Variants in ST3GAL5 observed in about 807,000 individuals in gnomAD.
The protein encoded by ST3GAL5 is ST3 beta-galactoside alpha-2,3-sialyltransferase 5.
ST3GAL5 carries 25 observed loss-of-function variants against 46.1 expected under a neutral mutation model. The ratio of observed to expected loss-of-function variants is 0.54; its 90% CI spans 0.40 to 0.76. The LOEUF is 0.76. Among genes scored for constraint, ST3GAL5 ranks in the 30% least tolerant of loss-of-function variants. The probability of loss-of-function intolerance (pLI) is 0.00; values close to 1 mark genes in which losing one functional copy is unlikely to be tolerated. For synonymous variants in ST3GAL5, 182 were observed against 192.7 expected, an observed-to-expected ratio of 0.94 and a Z score of 0.46; for missense variants, 431 against 521.2, an observed-to-expected ratio of 0.83 and a Z score of 1.69.
intron 1 of ST3GAL5, among the ~76,000 whole-genome samples, chr2:85,864,913 G>A (rs566555360): frequency 6.6e-6 from 1 of 152,308 alleles, no homozygotes; most frequent in South Asian, 2.1e-4. Context: ...CAATTCTCAA[G>A]GTGCTTCCCT....
rs577828669 is a variant in ST3GAL5, at chr2:85,863,386, C to G, written c.182G>C (p.Ser61Thr). ...TRAQSKMRRP[S>T]LLLKDILKCT... Reference sequence around the variant, plus strand: ...CTTGAGGATGTCTTTTAATAACAAGCTGGGCCTTCTCATCTTGCTTTGAGC... The same window carrying G: ...CTTGAGGATGTCTTTTAATAACAAGGTGGGCCTTCTCATCTTGCTTTGAGC... The change falls in exon 2 of 7, where the codon AGC (serine) becomes ACC (threonine). Residue 61 changes from serine (S) to threonine (T), a missense_variant. Physicochemically the swap from Ser to Thr is moderately conservative, Grantham distance 58. Coordinates refer to ENST00000638572, the MANE Select transcript of ST3GAL5 (RefSeq NM_003896.4). 2 of 1,614,206 alleles carry G rather than the reference C, an allele frequency of 1.2e-6. No homozygotes were observed. The highest frequency in any genetic ancestry group is 2.2e-5 in the South Asian group (2 of 91,086).
chr2:85,868,262 T>C (rs1473966651), intron 1 of ST3GAL5, among the ~76,000 whole-genome samples: 1 of 152,240 alleles, frequency 6.6e-6, no homozygotes, highest in Non-Finnish European at 1.5e-5. Flanking sequence ...GCTTTGTTAA[T>C]TGCTAGAATA....
intron 1 of ST3GAL5, chr2:85,869,970 T>G: frequency 2.9e-6 from 1 of 342,876 alleles, no homozygotes; most frequent in Admixed American, 3.7e-5. Flanking sequence ...ACACATAGCC[T>G]CCGTTCAGTT....
At chr2:85,842,341 T>C (rs1216621103) in intron 6 of ST3GAL5, among the ~76,000 whole-genome samples, 4 of 152,192 alleles carry the variant, frequency 2.6e-5, no homozygotes, top group Non-Finnish European at 5.9e-5. Context: ...TATTCAATGT[T>C]TGTCGAAGGA....
In ST3GAL5 at chr2:85,839,159, GTTT is replaced by G. The variant is rs1681716608; in HGVS notation, c.*982_*984del. 6.6e-6 allele frequency: 1 copy of G among 152,188 alleles called. No homozygotes were observed. Among genetic ancestry groups the G allele is most frequent in the African/African-American group, 2.4e-5 (1 of 41,442 alleles). 9.4% of individuals were successfully genotyped at this position (152,188 alleles called of 1,614,324 possible). A position where few individuals can be genotyped will look rare whatever the true frequency, so the allele number is the denominator to read the frequency against. On this transcript the variant is annotated 3_prime_UTR_variant, in exon 7 of 7. Coordinates refer to ENST00000638572, the MANE Select transcript of ST3GAL5 (RefSeq NM_003896.4). ...ACCAGACTACGAGAGTTCCTCAAAA[GTTT>G]TTATTCTTTTTCATCTTTTTAAACT...
intron 3 of ST3GAL5, 180 bp from the exon 4 acceptor site, chr2:85,848,384 G>C: frequency 6.5e-7 from 1 of 1,546,856 alleles, no homozygotes; most frequent in Non-Finnish European, 8.7e-7. Context: ...GAAACAACCT[G>C]GGAGAATCAC....
chr2:85,861,719 G>A (rs556143371), intron 2 of ST3GAL5, among the ~76,000 whole-genome samples: 34 of 150,870 alleles, frequency 2.3e-4, no homozygotes, highest in African/African-American at 8.0e-4. Flanking sequence ...ACCCGGAAGT[G>A]AGGCCGACTG....
At chr2:85,888,195 G>C (rs1687978024) in intron 1 of ST3GAL5, 1 of 152,298 alleles carries the variant, frequency 6.6e-6, no homozygotes, top group African/African-American at 2.4e-5. Context: ...AGGGCTCCTC[G>C]GGGATGCTCT....
chr2:85,870,048 A>G (rs1685748372), intron 1 of ST3GAL5: 1 of 366,048 alleles, frequency 2.7e-6, no homozygotes, highest in Non-Finnish European at 5.5e-6. Flanking sequence ...TAGAATAATA[A>G]AACTACAGAC....
chr2:85,870,360 C>A, intron 1 of ST3GAL5: 1 of 421,352 alleles, frequency 2.4e-6, no homozygotes. Context: ...TATAGGCCTT[C>A]CTCCAAGGCT....
intron 6 of ST3GAL5, among the ~76,000 whole-genome samples, chr2:85,843,358 AG>A (rs1456916590): frequency 1.3e-5 from 2 of 152,220 alleles, no homozygotes; most frequent in Non-Finnish European, 1.5e-5. Flanking sequence ...CTCCAGAAAA[AG>A]TGCCAGCTGA....
intron 1 of ST3GAL5, among the ~76,000 whole-genome samples, chr2:85,864,563 T>G (rs1226998929): frequency 7.1e-6 from 1 of 141,830 alleles, no homozygotes; most frequent in Non-Finnish European, 1.5e-5. Flanking sequence ...AAAGTTACAT[T>G]AAAAGCAGAA....
Position 85,888,827 on chromosome 2 carries a change from G to T in ST3GAL5, c.79C>A (p.Arg27=). 1 of 1,264,072 alleles carries T rather than the reference G, an allele frequency of 7.9e-7. No homozygotes were observed. The highest frequency in any genetic ancestry group is 9.9e-7 in the Non-Finnish European group (1 of 1,006,176). 78.3% of individuals were successfully genotyped at this position (1,264,072 alleles called of 1,614,324 possible). The change falls in exon 1 of 7, where the codon CGA becomes AGA. Residue 27 remains arginine, a synonymous_variant. Transcript: ENST00000638572. The stretch of plus-strand genomic sequence containing the variant: ...AGGAGGGGGCTGCGCCACGTACCTC[G>T]GCCGGCAGGTGCCGCCGCTGCCTCG... ...RTEAAAAPAG[R]AMPSEYTYVK... is the part of the protein sequence containing the mutation.
At chr2:85,843,123 C>T (rs749918231) in intron 6 of ST3GAL5, among the ~76,000 whole-genome samples, 14 of 152,118 alleles carry the variant, frequency 9.2e-5, no homozygotes, top group African/African-American at 1.7e-4. Flanking sequence ...ATTCTTCATC[C>T]TTAACAGACA....
chr2:85,844,993 C>A (rs1682607413), intron 5 of ST3GAL5: 2 of 232,344 alleles, frequency 8.6e-6, no homozygotes, highest in South Asian at 5.9e-5. Context: ...AGAACTTCTG[C>A]CCAATAGAAA....
intron 3 of ST3GAL5, chr2:85,854,209 T>G (rs999351413): frequency 6.6e-6 from 1 of 152,226 alleles, no homozygotes; most frequent in Non-Finnish European, 1.5e-5. Flanking sequence ...CGCTCAGCAC[T>G]GGGGTGACAT....
intron 1 of ST3GAL5, among the ~76,000 whole-genome samples, chr2:85,880,203 C>T (rs935449041): frequency 6.6e-6 from 1 of 152,060 alleles, no homozygotes; most frequent in African/African-American, 2.4e-5. Flanking sequence ...TTTGGCAGGA[C>T]CTGGCAATTT....
chr2:85,849,744 T>C (rs1683263185), intron 3 of ST3GAL5: 1 of 152,216 alleles, frequency 6.6e-6, no homozygotes, highest in African/African-American at 2.4e-5. Flanking sequence ...TCAGAACCCC[T>C]GTCAGGTAGT....
chr2:85,844,577 T>C, intron 5 of ST3GAL5, 23 bp from the exon 6 acceptor site: 1 of 1,613,868 alleles, frequency 6.2e-7, no homozygotes, highest in Admixed American at 1.7e-5. Flanking sequence ...AGCAAGCAGT[T>C]GTTAGTCATC....
Sources: gnomAD v4.1 joint callset for allele counts (sites outside exome capture counted in the v4.1 genomes callset) on GRCh38, gnomAD v4.1.1 for gene constraint, MANE v1.5 for transcripts, NCBI Gene and HGNC (gene_info 2026-07-23, HGNC 2026-07-21) for gene names.